EIF4G3: variants seen among roughly 807,000 people sequenced by gnomAD.
EIF4G3 encodes eIF-4-gamma 3.
EIF4G3 carries 34 observed loss-of-function variants against 186.4 expected under a neutral mutation model. The ratio of observed to expected loss-of-function variants is 0.18; its 90% CI spans 0.14 to 0.24. The LOEUF is 0.24. Among genes scored for constraint, EIF4G3 ranks in the 10% least tolerant of loss-of-function variants. EIF4G3 has a pLI of 1.00. For synonymous variants in EIF4G3, 673 were observed against 679.5 expected, an observed-to-expected ratio of 0.99 and a Z score of 0.15; for missense variants, 1,536 against 1,948.5, an observed-to-expected ratio of 0.79 and a Z score of 3.99.
intron 14 of EIF4G3, among the ~76,000 whole-genome samples, chr1:20,905,995 A>G (rs1191051826): frequency 6.6e-6 from 1 of 152,174 alleles, no homozygotes; most frequent in Non-Finnish European, 1.5e-5. Context: ...TGGAACACAC[A>G]CTTTTTGGGG....
At chr1:20,990,392 C>T (rs1029377945) in intron 7 of EIF4G3, among the ~76,000 whole-genome samples, 4 of 151,850 alleles carry the variant, frequency 2.6e-5, no homozygotes, top group Non-Finnish European at 5.9e-5. Flanking sequence ...ATTTAATTAC[C>T]AGCCGGGTGC....
intron 4 of EIF4G3, among the ~76,000 whole-genome samples, chr1:21,026,127 C>T (rs1167250985): frequency 1.3e-5 from 2 of 152,042 alleles, no homozygotes; most frequent in African/African-American, 4.8e-5. Context: ...AGCTGGAGGC[C>T]TCACAATTCC....
At chr1:21,046,039 T>C (rs1351406818) in intron 4 of EIF4G3, among the ~76,000 whole-genome samples, 6 of 152,190 alleles carry the variant, frequency 3.9e-5, no homozygotes, top group Non-Finnish European at 5.9e-5. Context: ...GAACTCTAAA[T>C]TAGAGAGTCT....
At chr1:21,055,024 C>T (rs1316466537) in intron 3 of EIF4G3, among the ~76,000 whole-genome samples, 10 of 152,036 alleles carry the variant, frequency 6.6e-5, no homozygotes, top group Non-Finnish European at 1.5e-4. Context: ...TTTATAAAGG[C>T]ATAAAGTTTA....
chr1:21,096,236 T>C (rs571171229), intron 2 of EIF4G3, among the ~76,000 whole-genome samples: 1 of 152,320 alleles, frequency 6.6e-6, no homozygotes, highest in East Asian at 1.9e-4. Context: ...GTCATTCTTT[T>C]GCAGCAACAT....
intron 14 of EIF4G3, among the ~76,000 whole-genome samples, chr1:20,917,384 G>A (rs1172012743): frequency 6.6e-6 from 1 of 152,204 alleles, no homozygotes; most frequent in Non-Finnish European, 1.5e-5. Context: ...GTGCATGCCT[G>A]TTGTCCCAGC....
At chr1:21,136,774 C>A (rs2097253749) in intron 2 of EIF4G3, among the ~76,000 whole-genome samples, 1 of 152,118 alleles carries the variant, frequency 6.6e-6, no homozygotes, top group Non-Finnish European at 1.5e-5. Context: ...CATTCTGATT[C>A]TTTCTGAAAG....
intron 14 of EIF4G3, among the ~76,000 whole-genome samples, chr1:20,920,327 T>C (rs1442939673): frequency 6.6e-6 from 1 of 152,194 alleles, no homozygotes; most frequent in Admixed American, 6.5e-5. Flanking sequence ...TCAAGCAAAC[T>C]TTGATTTAAT....
At chr1:21,032,197 C>T (rs975114628) in intron 4 of EIF4G3, among the ~76,000 whole-genome samples, 4 of 152,160 alleles carry the variant, frequency 2.6e-5, no homozygotes, top group African/African-American at 9.7e-5. Context: ...ACAGATGTTT[C>T]CCTGCAGACA....
chr1:21,174,585 A>G (rs2098063600), intron 2 of EIF4G3: 1 of 152,238 alleles, frequency 6.6e-6, no homozygotes, highest in African/African-American at 2.4e-5. Context: ...ATGAAATTAG[A>G]AAGGAATTTA....
At chr1:21,025,562 G>A (rs568214474) in intron 4 of EIF4G3, among the ~76,000 whole-genome samples, 4 of 152,094 alleles carry the variant, frequency 2.6e-5, no homozygotes, top group Non-Finnish European at 5.9e-5. Context: ...AGGATTAGAT[G>A]GTGAAGAATG....
intron 31 of EIF4G3, 104 bp from the exon 32 acceptor site, chr1:20,827,802 C>A: frequency 1.5e-6 from 1 of 659,566 alleles, no homozygotes; most frequent in Non-Finnish European, 2.6e-6. Flanking sequence ...GTGCAACCTA[C>A]ATAATACTGG....
intron 2 of EIF4G3, among the ~76,000 whole-genome samples, chr1:21,109,232 G>C (rs141115996): frequency 6.6e-6 from 1 of 152,076 alleles, no homozygotes; most frequent in Non-Finnish European, 1.5e-5. Flanking sequence ...AAAGCTACAA[G>C]GGTTTTGTAC....
chr1:20,835,666 G>A (rs1024083845), intron 30 of EIF4G3, among the ~76,000 whole-genome samples: 6 of 152,154 alleles, frequency 3.9e-5, no homozygotes, highest in African/African-American at 1.4e-4. Flanking sequence ...ATGGCCAGGT[G>A]CACTGCCTTA....
At chr1:20,947,466 A>T (rs1352111124) in intron 13 of EIF4G3, among the ~76,000 whole-genome samples, 1 of 152,042 alleles carries the variant, frequency 6.6e-6, no homozygotes, top group Admixed American at 6.5e-5. Context: ...AACTCTGAAA[A>T]CAGTAATATT....
At chr1:20,837,474 G>A (rs567020707) in intron 30 of EIF4G3, among the ~76,000 whole-genome samples, 93 of 152,280 alleles carry the variant, frequency 6.1e-4, no homozygotes, top group South Asian at 2.3e-3. Flanking sequence ...AAAGTGCTGG[G>A]ATTACAGGCG....
At chr1:20,957,155 A>G (rs938285009) in intron 12 of EIF4G3, among the ~76,000 whole-genome samples, 1 of 152,148 alleles carries the variant, frequency 6.6e-6, no homozygotes, top group Admixed American at 6.5e-5. Context: ...GATGAGAGGA[A>G]ACCCGGACAC....
In EIF4G3 at chr1:20,810,284, A is replaced by G. The variant is rs929843591; in HGVS notation, c.4744+454T>C. ...ATTCTCCTGCCTCAGCCTCCCAAGT[A>G]GCTGGGATTACAGGTGCCCGCCACC... is the stretch of plus-strand genomic sequence containing the variant. On this transcript the variant is annotated intron_variant, in intron 36 of 36. Transcript: ENST00000602326. This position sits in a 1 kb window ranked among gnomAD's most constrained non-coding sequence, Gnocchi z 4.1. Among the ~76,000 whole-genome samples the G allele has an allele frequency of 1.3e-5, 2 of 151,802 alleles. No individual in the cohort carries two copies. The highest frequency in any genetic ancestry group is 1.5e-5 in the Non-Finnish European group (1 of 67,980).
chr1:21,149,980 C>A (rs1320155389), intron 2 of EIF4G3, among the ~76,000 whole-genome samples: 3 of 152,248 alleles, frequency 2.0e-5, no homozygotes, highest in East Asian at 1.9e-4. Flanking sequence ...TGGGTCCCCC[C>A]ACTAATGCTG....
Sources: allele counts gnomAD v4.1 joint callset (sites outside exome capture counted in the v4.1 genomes callset), GRCh38; gene constraint gnomAD v4.1.1; non-coding constraint Gnocchi (gnomAD v3.1); transcripts MANE v1.5; gene names NCBI Gene and HGNC (gene_info 2026-07-23, HGNC 2026-07-21).